The following CHST8 variants were observed in gnomAD, a reference collection of about 807,000 sequenced individuals.
CHST8 encodes the protein carbohydrate sulfotransferase 8.
A neutral mutation model predicts 15.0 loss-of-function variants in CHST8; 10 were observed. The ratio of observed to expected loss-of-function variants is 0.67; its 90% confidence interval spans 0.41 to 1.13. The LOEUF is 1.13. Among genes scored for constraint, CHST8 ranks in the 50% most tolerant of loss-of-function variants. The pLI is 0.00. For synonymous variants in CHST8, 259 were observed against 256.6 expected, an observed-to-expected ratio of 1.01 and a Z score of -0.09; for missense variants, 634 against 608.2, an observed-to-expected ratio of 1.04 and a Z score of -0.45.
chr19:33,622,743 C>T (rs1972001418), intron 1 of CHST8, among the ~76,000 whole-genome samples: 1 of 152,134 alleles, frequency 6.6e-6, no homozygotes. Context: ...CGGGTTGCGG[C>T]GGGCAGAGAC....
intron 3 of CHST8, among the ~76,000 whole-genome samples, chr19:33,697,882 G>T (rs1370455566): frequency 6.6e-6 from 1 of 152,216 alleles, no homozygotes; most frequent in Non-Finnish European, 1.5e-5. Flanking sequence ...GACACAGCCG[G>T]CCCTGGGCCC....
chr19:33,695,928 C>T (rs1021850937), intron 3 of CHST8, among the ~76,000 whole-genome samples: 4 of 147,350 alleles, frequency 2.7e-5, no homozygotes, highest in African/African-American at 1.0e-4. Flanking sequence ...TGGGTTGGAG[C>T]GATTCTCCTG....
chr19:33,647,327 T>C (rs1972367358), intron 1 of CHST8, among the ~76,000 whole-genome samples: 1 of 152,122 alleles, frequency 6.6e-6, no homozygotes, highest in African/African-American at 2.4e-5. Context: ...GTGAGGAAAG[T>C]GCACCACAGA....
At chr19:33,723,844 G>A (rs1038914519) in intron 3 of CHST8, among the ~76,000 whole-genome samples, 1 of 152,202 alleles carries the variant, frequency 6.6e-6, no homozygotes, top group Non-Finnish European at 1.5e-5. Context: ...ACCCCATTGT[G>A]TTACCTGATC....
intron 1 of CHST8, among the ~76,000 whole-genome samples, chr19:33,649,323 G>A (rs1328436634): frequency 2.0e-5 from 3 of 152,082 alleles, no homozygotes; most frequent in Non-Finnish European, 4.4e-5. Context: ...CTTTTCACAT[G>A]CTTATTTGCT....
intron 3 of CHST8, among the ~76,000 whole-genome samples, chr19:33,714,202 A>T (rs1249488396): frequency 6.6e-6 from 1 of 152,204 alleles, no homozygotes; most frequent in East Asian, 1.9e-4. Flanking sequence ...CCTGCCTTAT[A>T]TTTCTTGCAG....
intron 1 of CHST8, among the ~76,000 whole-genome samples, chr19:33,638,122 A>G (rs1415173788): frequency 6.6e-6 from 1 of 152,088 alleles, no homozygotes; most frequent in African/African-American, 2.4e-5. Context: ...CACCAATTTC[A>G]GGATATCACT....
rs941333784 is a variant in CHST8, at chr19:33,761,671, A to G, written c.131-9742A>G. 3.3e-5 allele frequency among the ~76,000 whole-genome samples: 5 copies of G among 151,470 alleles called. No individual in the cohort carries two copies. The East Asian group carries it at 9.7e-4, about 29-fold the overall frequency. Reference sequence around the variant, plus strand: ...ATATATAGTATAAAAATATGTATATATGTATATATTTTTTTAATTAGCTGG... The same window carrying G: ...ATATATAGTATAAAAATATGTATATGTGTATATATTTTTTTAATTAGCTGG... On this transcript the variant is annotated intron_variant, in intron 3 of 4. Coordinates refer to ENST00000650847, the MANE Select transcript of CHST8 (RefSeq NM_001127895.2).
At chr19:33,626,275 G>A (rs889904422) in intron 1 of CHST8, among the ~76,000 whole-genome samples, 2 of 152,070 alleles carry the variant, frequency 1.3e-5, no homozygotes, top group Non-Finnish European at 2.9e-5. Flanking sequence ...TGGTGTTCTA[G>A]CCTGCACTGG....
chr19:33,670,584 T>G (rs1316816301), intron 2 of CHST8, among the ~76,000 whole-genome samples: 1 of 152,202 alleles, frequency 6.6e-6, no homozygotes, highest in Non-Finnish European at 1.5e-5. Flanking sequence ...CCCTTCTTGA[T>G]GAATGCTTAC....
At chr19:33,637,006 G>C (rs1175321876) in intron 1 of CHST8, among the ~76,000 whole-genome samples, 1 of 152,168 alleles carries the variant, frequency 6.6e-6, no homozygotes, top group Non-Finnish European at 1.5e-5. Context: ...TTGATGATAC[G>C]CAAAACAAGG....
intron 3 of CHST8, among the ~76,000 whole-genome samples, chr19:33,733,587 A>G (rs2145329038): frequency 6.6e-6 from 1 of 152,320 alleles, no homozygotes; most frequent in South Asian, 2.1e-4. Flanking sequence ...AGCCTTGTAA[A>G]GTGCAACTTT....
intron 2 of CHST8, among the ~76,000 whole-genome samples, chr19:33,680,385 A>G (rs1192226513): frequency 6.6e-6 from 1 of 152,212 alleles, no homozygotes; most frequent in Non-Finnish European, 1.5e-5. Flanking sequence ...AAAGCCCAGC[A>G]AGGCAAGTGG....
At chr19:33,741,645 G>A (rs1489925298) in intron 3 of CHST8, among the ~76,000 whole-genome samples, 1 of 151,930 alleles carries the variant, frequency 6.6e-6, no homozygotes, top group East Asian at 1.9e-4. Context: ...GAAATTCCAT[G>A]GTGATTTGAT....
intron 3 of CHST8, among the ~76,000 whole-genome samples, chr19:33,708,254 A>T (rs1462315916): frequency 6.6e-6 from 1 of 152,154 alleles, no homozygotes; most frequent in African/African-American, 2.4e-5. Context: ...GCAATTCAAC[A>T]TGTTTTTCGT....
chr19:33,769,564 C>T (rs1031370296), intron 3 of CHST8, among the ~76,000 whole-genome samples: 8 of 151,998 alleles, frequency 5.3e-5, no homozygotes, highest in Non-Finnish European at 8.8e-5. Flanking sequence ...TCTGGAGGCT[C>T]GTGCTGGGAC....
In CHST8 at chr19:33,773,192, G is replaced by C. The variant is rs1975049968; in HGVS notation, c.*129G>C. 1.8e-6 allele frequency: 2 copies of C among 1,126,056 alleles called. No homozygotes were observed. Among genetic ancestry groups the C allele is most frequent in the East Asian group, 5.2e-5 (2 of 38,490 alleles). 69.8% of individuals were successfully genotyped at this position (1,126,056 alleles called of 1,614,324 possible). ...AGGACGTGAGGAGCCATCGCTGTGG[G>C]AGGCAGCAGGCCCCGGGTGGGGGGC... On this transcript the variant is annotated 3_prime_UTR_variant, in exon 5 of 5. Transcript: ENST00000650847.
intron 3 of CHST8, among the ~76,000 whole-genome samples, chr19:33,766,318 AC>A (rs966610219): frequency 1.3e-5 from 2 of 149,508 alleles, no homozygotes; most frequent in Non-Finnish European, 3.0e-5. Context: ...CTAGCATGCC[AC>A]CCCCCCATTC....
chr19:33,640,686 C>T (rs957522295), intron 1 of CHST8, among the ~76,000 whole-genome samples: 10 of 152,174 alleles, frequency 6.6e-5, no homozygotes, highest in African/African-American at 2.4e-4. Flanking sequence ...TGTTCTGTTG[C>T]CAATAAATGC....
Sources: allele counts gnomAD v4.1 joint callset (sites outside exome capture counted in the v4.1 genomes callset), GRCh38; gene constraint gnomAD v4.1.1; transcripts MANE v1.5; gene names NCBI Gene and HGNC (gene_info 2026-07-23, HGNC 2026-07-21).